Variants in PAIP1 observed in about 807,000 individuals in gnomAD.
The protein encoded by PAIP1 is poly(A) binding protein interacting protein 1, also known as polyadenylate-binding protein-interacting protein 1.
In PAIP1, 16 loss-of-function variants were observed where a neutral mutation model predicts 61.3. The observed-to-expected ratio is 0.26, with a 90% CI of 0.18 to 0.40. The LOEUF (loss-of-function observed/expected upper bound fraction) is 0.40, where lower values mean the gene tolerates loss of function less well. Ranked by LOEUF, PAIP1 falls within the 10% of genes least tolerant of loss-of-function variation. The pLI is 1.00. For synonymous variants in PAIP1, 187 were observed against 226.2 expected (o/e 0.83, Z 1.56); for missense variants, 416 against 600.9 (o/e 0.69, Z 3.22).
intron 4 of PAIP1, among the ~76,000 whole-genome samples, chr5:43,540,974 C>T (rs1407510860): frequency 6.6e-6 from 1 of 151,960 alleles, no homozygotes; most frequent in Non-Finnish European, 1.5e-5. Flanking sequence ...TCCTGGCGTC[C>T]TACCGCCTAC....
chr5:43,537,634 A>G (rs190268106), intron 5 of PAIP1, among the ~76,000 whole-genome samples: 1 of 152,270 alleles, frequency 6.6e-6, no homozygotes, highest in Admixed American at 6.5e-5. Context: ...TATGGCGTTT[A>G]CGATCTTAAG....
intron 5 of PAIP1, 23 bp from the exon 6 acceptor site, chr5:43,536,967 CA>C: frequency 6.5e-7 from 1 of 1,543,680 alleles, no homozygotes; most frequent in South Asian, 1.2e-5. Flanking sequence ...AAAAAAAGAA[CA>C]AAAGGAATGA....
intron 2 of PAIP1, among the ~76,000 whole-genome samples, chr5:43,555,332 T>C (rs1335723247): frequency 6.6e-6 from 1 of 152,240 alleles, no homozygotes; most frequent in Non-Finnish European, 1.5e-5. Flanking sequence ...CCCACTTCTC[T>C]ATAATTAATC....
chr5:43,529,550 C>A (rs890959580), intron 10 of PAIP1, among the ~76,000 whole-genome samples: 1 of 152,080 alleles, frequency 6.6e-6, no homozygotes, highest in Non-Finnish European at 1.5e-5. Flanking sequence ...ATTCTGTGAT[C>A]CTGGCTAATT....
rs1430614672 is a variant in PAIP1, at chr5:43,556,853, C to T, written c.-7G>A. ...GATCGAAACCGTCCGACATGCTCCT[C>T]CTCCTCCGCCTCCTCCTCCAGGGGC... On this transcript the variant is annotated 5_prime_UTR_variant, in exon 1 of 11. Transcript: ENST00000306846. 8 of 1,408,578 alleles carry T rather than the reference C, an allele frequency of 5.7e-6. No individual in the cohort carries two copies. Among genetic ancestry groups the T allele is most frequent in the Non-Finnish European group, 6.4e-6 (7 of 1,085,304 alleles). The allele number at this position is 1,408,578 out of a possible 1,614,324, so 87.3% of individuals were successfully genotyped here. A position where few individuals can be genotyped will look rare whatever the true frequency, so the allele number is the denominator to read the frequency against.
rs201032110 is a variant in PAIP1, at chr5:43,556,022, G to T, written c.266-23C>A. On this transcript the variant is annotated intron_variant, in intron 1 of 10. Transcript: ENST00000306846. ...GCTCTGCAAAAGAAAAAAAAACGGG[G>T]CGTCAGATGCATTCTTTCCTTTGTA... 2.7e-5 allele frequency: 44 copies of T among 1,602,606 alleles called. No individual in the cohort carries two copies. The African/African-American group carries it at 5.8e-4, about 21-fold the overall frequency.
intron 2 of PAIP1, among the ~76,000 whole-genome samples, chr5:43,554,080 G>A (rs932259894): frequency 3.3e-5 from 5 of 152,342 alleles, no homozygotes; most frequent in African/African-American, 1.2e-4. Context: ...TGATCTATTA[G>A]AGGATGGCAA....
At chr5:43,555,160 T>C (rs150587723) in intron 2 of PAIP1, among the ~76,000 whole-genome samples, 261 of 152,316 alleles carry the variant, frequency 1.7e-3, no homozygotes, top group African/African-American at 6.0e-3. Context: ...GTTGATAATG[T>C]TCTATTTCCT....
intron 9 of PAIP1, among the ~76,000 whole-genome samples, chr5:43,531,208 C>T (rs1311840438): frequency 6.6e-6 from 1 of 150,704 alleles, no homozygotes; most frequent in Non-Finnish European, 1.5e-5. Context: ...GACAAGAAAA[C>T]AAAAAATTTG....
At chr5:43,539,308 G>T (rs1227842514) in intron 4 of PAIP1, among the ~76,000 whole-genome samples, 1 of 152,048 alleles carries the variant, frequency 6.6e-6, no homozygotes, top group East Asian at 1.9e-4. Context: ...GGTGTAATCT[G>T]ATTCACAGCA....
At chr5:43,542,879 A>G in intron 4 of PAIP1, 125 bp downstream of exon 4, 1 of 520,964 alleles carries the variant, frequency 1.9e-6, no homozygotes, top group Non-Finnish European at 3.5e-6. Context: ...AACTTCAAAT[A>G]TAATGCACAT....
intron 3 of PAIP1, among the ~76,000 whole-genome samples, chr5:43,545,611 G>C (rs1277935555): frequency 1.3e-5 from 2 of 152,094 alleles, no homozygotes; most frequent in South Asian, 2.1e-4. Context: ...CGTTAGATCT[G>C]CCAAATCAGG....
chr5:43,527,516 AAAGT>A (rs751809161), intron 10 of PAIP1, 47 bp from the exon 11 acceptor site: 24 of 1,499,772 alleles, frequency 1.6e-5, no homozygotes, highest in Admixed American at 4.0e-5. Flanking sequence ...TTCAACTCAG[AAAGT>A]AAGATGCTAA....
chr5:43,534,047 T>C (rs1454615960), intron 8 of PAIP1, among the ~76,000 whole-genome samples: 1 of 152,224 alleles, frequency 6.6e-6, no homozygotes, highest in South Asian at 2.1e-4. Flanking sequence ...CTGTTGTGCA[T>C]TGTCATTTAG....
At chr5:43,547,987 C>T in intron 2 of PAIP1, 74 bp from the exon 3 acceptor site, 1 of 867,062 alleles carries the variant, frequency 1.2e-6, no homozygotes, top group Non-Finnish European at 1.8e-6. Flanking sequence ...ATGTCTCTAG[C>T]ACAAATGCTT....
chr5:43,543,741 T>C (rs567485575), intron 3 of PAIP1, among the ~76,000 whole-genome samples: 4 of 149,844 alleles, frequency 2.7e-5, no homozygotes, highest in African/African-American at 9.8e-5. Context: ...TCAAAGATTG[T>C]TGATATAACT....
At chr5:43,538,127 T>A (rs1747232226) in intron 5 of PAIP1, among the ~76,000 whole-genome samples, 1 of 152,138 alleles carries the variant, frequency 6.6e-6, no homozygotes, top group Non-Finnish European at 1.5e-5. Context: ...TAAATACGTT[T>A]AGCTGTAGAC....
chr5:43,536,028 C>T (rs1747140441), intron 6 of PAIP1, among the ~76,000 whole-genome samples: 1 of 146,996 alleles, frequency 6.8e-6, no homozygotes, highest in Non-Finnish European at 1.5e-5. Context: ...GGAAATAAAT[C>T]AGTTAAGGAT....
chr5:43,530,008 C>A, intron 9 of PAIP1, 129 bp from the exon 10 acceptor site: 5 of 608,288 alleles, frequency 8.2e-6, no homozygotes, highest in Non-Finnish European at 8.8e-6. Context: ...AAAGTAATTA[C>A]ATATAGTACT....
Sources: allele counts gnomAD v4.1 joint callset (sites outside exome capture counted in the v4.1 genomes callset), GRCh38; gene constraint gnomAD v4.1.1; transcripts MANE v1.5; gene names NCBI Gene and HGNC (gene_info 2026-07-23, HGNC 2026-07-21).